The following C12orf42 variants were observed in gnomAD, a reference collection of about 807,000 sequenced individuals.
C12orf42 encodes the protein chromosome 12 open reading frame 42.
C12orf42 carries 25 observed loss-of-function variants against 21.6 expected under a neutral mutation model. The ratio of observed to expected loss-of-function variants is 1.16; its 90% CI spans 0.84 to 1.62. The LOEUF (loss-of-function observed/expected upper bound fraction) is 1.62. C12orf42 is among the 40% of genes most tolerant of loss of function. The pLI, the probability that C12orf42 is intolerant of heterozygous loss-of-function variation, is 0.00. For synonymous variants in C12orf42, 174 were observed against 175.0 expected, an observed-to-expected ratio of 0.99 and a Z score of 0.05; for missense variants, 483 against 459.3, an observed-to-expected ratio of 1.05 and a Z score of -0.47.
chr12:103,420,810 C>T (rs1057483848), intron 2 of C12orf42, among the ~76,000 whole-genome samples: 6 of 152,144 alleles, frequency 3.9e-5, no homozygotes, highest in Non-Finnish European at 7.3e-5. Flanking sequence ...TGAGTCACCG[C>T]GCCCAGCCTG....
intron 4 of C12orf42, among the ~76,000 whole-genome samples, chr12:103,327,650 C>A (rs4764951): frequency 6.6e-6 from 1 of 152,138 alleles, no homozygotes; most frequent in East Asian, 1.9e-4. Flanking sequence ...CATTTTGATT[C>A]TCTGGAGAAA....
chr12:103,325,615 TA>T (rs2040603535), intron 4 of C12orf42, among the ~76,000 whole-genome samples: 2 of 152,348 alleles, frequency 1.3e-5, no homozygotes, highest in African/African-American at 4.8e-5. Context: ...GGTCCTTTAA[TA>T]AACATAAGTG....
intron 4 of C12orf42, among the ~76,000 whole-genome samples, chr12:103,309,623 C>CA (rs5800582): frequency 0.029 from 4,102 of 142,554 alleles, 215 homozygotes; most frequent in African/African-American, 0.097. Context: ...TCTTTTCACT[C>CA]AAAAAAAAAA....
chr12:103,479,743 C>A (rs907416336), intron 1 of C12orf42, among the ~76,000 whole-genome samples: 4 of 152,018 alleles, frequency 2.6e-5, no homozygotes, highest in African/African-American at 9.6e-5. Flanking sequence ...GCTACATTAA[C>A]AAAATTTCCA....
the C12orf42 span, among the ~76,000 whole-genome samples, chr12:103,526,180 G>A: frequency 6.6e-6 from 1 of 151,984 alleles, no homozygotes; most frequent in African/African-American, 2.4e-5. Context: ...AGAATGATAG[G>A]GAATCCTTAA....
chr12:103,219,655 A>G, the C12orf42 span, among the ~76,000 whole-genome samples: 2 of 152,280 alleles, frequency 1.3e-5, no homozygotes, highest in Admixed American at 6.5e-5. Flanking sequence ...CAAACATATG[A>G]AAAACCGCTC....
the C12orf42 span, among the ~76,000 whole-genome samples, chr12:103,525,796 A>G: frequency 5.9e-5 from 9 of 152,260 alleles, no homozygotes; most frequent in East Asian, 1.7e-3. Context: ...TTGAGAGGCC[A>G]AGGCAGATGA....
At chr12:103,483,340 C>T (rs1954603575) in intron 1 of C12orf42, among the ~76,000 whole-genome samples, 1 of 151,934 alleles carries the variant, frequency 6.6e-6, no homozygotes, top group South Asian at 2.1e-4. Context: ...GTCTACTCTA[C>T]TCTCAATTTT....
chr12:103,552,057 A>ATTGTGATC, the C12orf42 span, among the ~76,000 whole-genome samples: 3 of 151,732 alleles, frequency 2.0e-5, no homozygotes, highest in Admixed American at 6.6e-5. Flanking sequence ...TAAACTGTTT[A>ATTGTGATC]TTGTGATCTC....
At chr12:103,547,609 G>GGGAAAGATATGTGATCTGCTTCAGGGGC in the C12orf42 span, among the ~76,000 whole-genome samples, 680 of 152,310 alleles carry the variant, frequency 4.5e-3, 6 homozygotes, top group African/African-American at 0.016. Flanking sequence ...GCTAGACAGG[G>GGGAAAGATATGTGATCTGCTTCAGGGGC]GGAAAGATAT....
At chr12:103,270,351 GGGAAGGAAGGAAGAAA>G (rs922935199) in intron 5 of C12orf42, 1 of 148,616 alleles carries the variant, frequency 6.7e-6, no homozygotes, top group Non-Finnish European at 1.5e-5. Flanking sequence ...GAAGTAAGGA[GGGAAGGAAGGAAGAAA>G]GGAAGGAAGG....
At chr12:103,394,675 C>T (rs1270841715) in intron 3 of C12orf42, among the ~76,000 whole-genome samples, 1 of 152,156 alleles carries the variant, frequency 6.6e-6, no homozygotes, top group Non-Finnish European at 1.5e-5. Context: ...ATAAGGGCTC[C>T]TGAAGAGCAG....
chr12:103,177,545 T>TG, the C12orf42 span, among the ~76,000 whole-genome samples: 54 of 152,242 alleles, frequency 3.5e-4, no homozygotes, highest in East Asian at 0.01. Context: ...CCGTTCTATA[T>TG]GGGGGAAAGA....
chr12:103,080,435 C>T, the C12orf42 span, among the ~76,000 whole-genome samples: 34 of 152,270 alleles, frequency 2.2e-4, no homozygotes, highest in South Asian at 6.9e-3. Context: ...CTGTTGCTTA[C>T]ATCTAAGGAT....
the C12orf42 span, among the ~76,000 whole-genome samples, chr12:103,151,263 C>A: frequency 6.6e-6 from 1 of 152,102 alleles, no homozygotes; most frequent in East Asian, 1.9e-4. Context: ...CACTGGAAGA[C>A]ACCCAGATGG....
chr12:103,218,593 A>G, the C12orf42 span, among the ~76,000 whole-genome samples: 6 of 152,152 alleles, frequency 3.9e-5, no homozygotes, highest in African/African-American at 1.4e-4. Flanking sequence ...TACTACCCAG[A>G]CACGGCAGGC....
At chr12:103,294,354 CAGAAAAAAAAA>C (rs1188631827) in intron 4 of C12orf42, among the ~76,000 whole-genome samples, 3 of 80,728 alleles carry the variant, frequency 3.7e-5, no homozygotes, top group Non-Finnish European at 7.5e-5. Context: ...CTAAACATGG[CAGAAAAAAAAA>C]AGAAAGAGAA....
At chr12:103,162,804 G>T in the C12orf42 span, 1 of 152,166 alleles carries the variant, frequency 6.6e-6, no homozygotes, top group Non-Finnish European at 1.5e-5. Flanking sequence ...TGAGCTGAAT[G>T]AATCAGCCTG....
the C12orf42 span, among the ~76,000 whole-genome samples, chr12:103,192,036 T>C: frequency 1.3e-5 from 2 of 150,974 alleles, no homozygotes; most frequent in Non-Finnish European, 3.0e-5. Context: ...AATCATCAAA[T>C]GATAAAGTAA....
Sources: allele counts gnomAD v4.1 joint callset (sites outside exome capture counted in the v4.1 genomes callset), GRCh38; gene constraint gnomAD v4.1.1; transcripts MANE v1.5; gene names NCBI Gene and HGNC (gene_info 2026-07-23, HGNC 2026-07-21).